Variants in USH2A observed in about 807,000 individuals in gnomAD.
USH2A encodes usherin.
In USH2A, 443 loss-of-function variants were observed where a neutral mutation model predicts 538.9. The ratio of observed to expected loss-of-function variants is 0.82; its 90% CI spans 0.76 to 0.89. The LOEUF (loss-of-function observed/expected upper bound fraction) is 0.89. USH2A is among the 40% of genes least tolerant of loss of function. The pLI is 0.00. For missense variants in USH2A, 6,633 were observed against 6,324.8 expected (o/e 1.05, Z -1.65); for synonymous variants, 2,413 against 2,273.5 (o/e 1.06, Z -1.75).
chr1:216,110,774 CTG>C (rs1234870053), intron 21 of USH2A, among the ~76,000 whole-genome samples: 3 of 152,148 alleles, frequency 2.0e-5, no homozygotes, highest in Non-Finnish European at 4.4e-5. Flanking sequence ...ACTGTGAAGA[CTG>C]AATTAAAATT....
chr1:216,137,906 A>T (rs1415555016), intron 21 of USH2A, among the ~76,000 whole-genome samples: 1 of 151,992 alleles, frequency 6.6e-6, no homozygotes, highest in Non-Finnish European at 1.5e-5. Flanking sequence ...ATGTGGATGC[A>T]TTTTGCTAAT....
At chr1:216,060,994 A>G (rs1364728400) in intron 30 of USH2A, among the ~76,000 whole-genome samples, 1 of 152,184 alleles carries the variant, frequency 6.6e-6, no homozygotes, top group African/African-American at 2.4e-5. Context: ...CACAGGAGTG[A>G]TAACTGAAGG....
intron 32 of USH2A, among the ~76,000 whole-genome samples, chr1:216,018,625 G>C (rs767709070): frequency 6.6e-6 from 1 of 152,088 alleles, no homozygotes; most frequent in Admixed American, 6.6e-5. Context: ...ACATTTACAG[G>C]GGGGATTGAG....
In USH2A at chr1:216,365,056, G is replaced by A. The variant is rs371310200; in HGVS notation, c.681C>T (p.Ile227=). 3.7e-6 allele frequency: 6 copies of A among 1,613,230 alleles called. No individual in the cohort carries two copies. In the Admixed American group the frequency reaches 6.7e-5, roughly 18 times the overall value. Residue 227 remains isoleucine, a synonymous_variant, in exon 4 of 72, where the codon ATC becomes ATT. Coordinates refer to ENST00000307340, the MANE Select transcript of USH2A (RefSeq NM_206933.4). ...GTGTATGATCCTTCTCCACGCCATT[G>A]ATAAAGAAGCTGATTTTTGTCTGAT... ...QVHQTKISFF[I]NGVEKDHTPF... is the part of the protein sequence containing the mutation.
intron 61 of USH2A, among the ~76,000 whole-genome samples, chr1:215,703,012 G>A (rs1224792026): frequency 6.6e-6 from 1 of 152,084 alleles, no homozygotes; most frequent in East Asian, 1.9e-4. Flanking sequence ...CTTCCTTTGT[G>A]TTGATGTTGA....
chr1:215,909,036 A>G (rs924359053), intron 38 of USH2A, among the ~76,000 whole-genome samples: 1 of 149,916 alleles, frequency 6.7e-6, no homozygotes, highest in Non-Finnish European at 1.5e-5. Flanking sequence ...ATATATCTAC[A>G]TGTCATATAA....
intron 26 of USH2A, among the ~76,000 whole-genome samples, chr1:216,080,761 G>C (rs919727079): frequency 1.2e-4 from 18 of 150,852 alleles, no homozygotes; most frequent in Non-Finnish European, 2.1e-4. Flanking sequence ...TAGAATCTAG[G>C]ATGACGGTAG....
intron 27 of USH2A, among the ~76,000 whole-genome samples, chr1:216,075,620 A>C (rs1571938876): frequency 6.6e-6 from 1 of 151,564 alleles, no homozygotes; most frequent in Middle Eastern, 3.4e-3. Flanking sequence ...TTGAGCCCCC[A>C]CTCTCTCCCT....
At chr1:215,756,931 CAAACAAACAAAT>C (rs747331217) in intron 58 of USH2A, among the ~76,000 whole-genome samples, 17 of 148,452 alleles carry the variant, frequency 1.1e-4, no homozygotes, top group African/African-American at 2.6e-4. Context: ...AACAAACAAA[CAAACAAACAAAT>C]AAATAAATAA....
chr1:215,762,965 T>C (rs111371868), intron 56 of USH2A, among the ~76,000 whole-genome samples: 419 of 152,322 alleles, frequency 2.8e-3, no homozygotes, highest in African/African-American at 9.9e-3. Context: ...CATGCCATAT[T>C]ACCCACTTCT....
chr1:216,091,156 A>T (rs940548760), intron 22 of USH2A, among the ~76,000 whole-genome samples: 1 of 152,196 alleles, frequency 6.6e-6, no homozygotes, highest in Non-Finnish European at 1.5e-5. Flanking sequence ...TTGAAAGAAC[A>T]ATTCTGTGAT....
At chr1:215,995,859 T>G (rs1274269896) in intron 34 of USH2A, among the ~76,000 whole-genome samples, 2 of 152,160 alleles carry the variant, frequency 1.3e-5, no homozygotes, top group African/African-American at 4.8e-5. Context: ...TAATAAAATT[T>G]TATCAATTAT....
At chr1:215,915,275 C>T (rs965011702) in intron 38 of USH2A, among the ~76,000 whole-genome samples, 2 of 152,032 alleles carry the variant, frequency 1.3e-5, no homozygotes, top group African/African-American at 4.8e-5. Context: ...CCCTTCCTCA[C>T]AGACATAAAA....
intron 58 of USH2A, among the ~76,000 whole-genome samples, chr1:215,744,654 T>C (rs1468789733): frequency 6.6e-6 from 1 of 152,198 alleles, no homozygotes; most frequent in African/African-American, 2.4e-5. Flanking sequence ...TTTTGCTTTT[T>C]ATAGATGTGG....
intron 14 of USH2A, among the ~76,000 whole-genome samples, chr1:216,229,259 A>G (rs1243058004): frequency 1.3e-5 from 2 of 150,628 alleles, no homozygotes; most frequent in African/African-American, 4.9e-5. Context: ...TATTTTCTAG[A>G]CTCCAACCTG....
chr1:216,007,586 G>A (rs1346237214), intron 32 of USH2A, among the ~76,000 whole-genome samples: 1 of 152,202 alleles, frequency 6.6e-6, no homozygotes. Context: ...GGCAAGACCA[G>A]AGCAAAAAGA....
intron 63 of USH2A, among the ~76,000 whole-genome samples, chr1:215,672,723 A>G (rs1657864140): frequency 6.6e-6 from 1 of 152,230 alleles, no homozygotes; most frequent in Non-Finnish European, 1.5e-5. Flanking sequence ...TTAATCCACT[A>G]AAAACAAAAA....
chr1:215,732,493 T>C (rs985673391), intron 60 of USH2A, among the ~76,000 whole-genome samples: 1 of 151,572 alleles, frequency 6.6e-6, no homozygotes, highest in Non-Finnish European at 1.5e-5. Flanking sequence ...TATCTGCTAA[T>C]TCTCTGGCAA....
In USH2A at chr1:216,084,761, C is replaced by T. The variant is rs201799575; in HGVS notation, c.5104G>A (p.Val1702Met). 2.8e-5 allele frequency: 45 copies of T among 1,613,496 alleles called. No homozygotes were observed. The highest frequency in any genetic ancestry group is 2.2e-4 in the East Asian group (10 of 44,850). ...GGACATCCCTCCCAGCTGTTATACACGTTGATTTGTTCTTCAGAACTCTGC... is the reference window on the plus strand; with the variant it reads ...GGACATCCCTCCCAGCTGTTATACATGTTGATTTGTTCTTCAGAACTCTGC... ...DWQSSEEQINVYNSWEGCPAS... is the reference protein window; with the variant it reads ...DWQSSEEQINMYNSWEGCPAS... Residue 1702 changes from valine (V) to methionine (M), a missense_variant, in exon 25 of 72, where the codon GTG becomes ATG. Physicochemically the swap from Val to Met is conservative, Grantham distance 21 (BLOSUM62 1). Transcript: ENST00000307340.
Sources: gnomAD v4.1 joint callset for allele counts (sites outside exome capture counted in the v4.1 genomes callset) on GRCh38, gnomAD v4.1.1 for gene constraint, MANE v1.5 for transcripts, NCBI Gene and HGNC (gene_info 2026-07-23, HGNC 2026-07-21) for gene names.